The following MGLL variants were observed in gnomAD, a reference collection of about 807,000 sequenced individuals.
The protein encoded by MGLL is lysophospholipase homolog.
A neutral mutation model predicts 29.1 loss-of-function variants in MGLL; 7 were observed. That is an observed-to-expected ratio of 0.24 (90% CI 0.14 to 0.45). MGLL has a LOEUF of 0.45. Ranked by LOEUF, MGLL falls within the 20% of genes least tolerant of loss-of-function variation. The probability of loss-of-function intolerance (pLI) is 0.99; values close to 1 mark genes in which losing one functional copy is unlikely to be tolerated. For synonymous variants in MGLL, 148 were observed against 168.3 expected (o/e 0.88, Z 0.93); for missense variants, 356 against 413.6 (o/e 0.86, Z 1.21).
At chr3:127,779,944 T>G (rs957051906) in intron 3 of MGLL, among the ~76,000 whole-genome samples, 1 of 152,218 alleles carries the variant, frequency 6.6e-6, no homozygotes, top group Non-Finnish European at 1.5e-5. Flanking sequence ...CACAGTCAAC[T>G]GGGTTCATTT....
At chr3:127,792,775 C>A (rs1352756023) in intron 2 of MGLL, among the ~76,000 whole-genome samples, 4 of 152,204 alleles carry the variant, frequency 2.6e-5, no homozygotes, top group Non-Finnish European at 5.9e-5. Flanking sequence ...TACCAGTTCA[C>A]TTCTCTAGGC....
chr3:127,725,180 A>G (rs1010437887), intron 3 of MGLL, among the ~76,000 whole-genome samples: 1 of 152,154 alleles, frequency 6.6e-6, no homozygotes, highest in African/African-American at 2.4e-5. Flanking sequence ...ACTCAGCACC[A>G]CATGCTCCTG....
intron 6 of MGLL, among the ~76,000 whole-genome samples, chr3:127,705,874 T>C (rs1393187495): frequency 1.3e-5 from 2 of 148,760 alleles, no homozygotes; most frequent in African/African-American, 5.0e-5. Flanking sequence ...ATTAGGGAAA[T>C]AGAAATCAAA....
chr3:127,707,276 G>A (rs945713587), intron 6 of MGLL, among the ~76,000 whole-genome samples: 2 of 152,200 alleles, frequency 1.3e-5, no homozygotes, highest in African/African-American at 4.8e-5. Flanking sequence ...CAGCCTGGGA[G>A]AGGAAGCAGT....
intron 2 of MGLL, among the ~76,000 whole-genome samples, chr3:127,804,909 A>C (rs2077539586): frequency 6.6e-6 from 1 of 152,196 alleles, no homozygotes; most frequent in Non-Finnish European, 1.5e-5. Context: ...CTCTGCTGGG[A>C]ACAATGCAGT....
chr3:127,796,126 G>T (rs908636436), intron 2 of MGLL, among the ~76,000 whole-genome samples: 3 of 152,144 alleles, frequency 2.0e-5, no homozygotes, highest in Non-Finnish European at 4.4e-5. Flanking sequence ...CCCAGAAGTT[G>T]GGAGGTATCT....
intron 3 of MGLL, among the ~76,000 whole-genome samples, chr3:127,737,191 T>C (rs985852768): frequency 2.0e-5 from 3 of 151,882 alleles, no homozygotes; most frequent in Middle Eastern, 3.2e-3. Flanking sequence ...ACCCTTATCA[T>C]AGCAGTGAGC....
chr3:127,790,500 C>T (rs1032337248), intron 2 of MGLL, among the ~76,000 whole-genome samples: 4 of 152,182 alleles, frequency 2.6e-5, no homozygotes, highest in African/African-American at 9.7e-5. Context: ...GATTTACTCC[C>T]ACTGTGACCT....
intron 3 of MGLL, among the ~76,000 whole-genome samples, chr3:127,769,368 A>AG (rs1379861934): frequency 6.6e-6 from 1 of 151,450 alleles, no homozygotes; most frequent in Non-Finnish European, 1.5e-5. Context: ...AAGAAAAAAA[A>AG]AAGAATTGGA....
At chr3:127,768,315 G>T (rs2107690767) in intron 3 of MGLL, among the ~76,000 whole-genome samples, 1 of 152,262 alleles carries the variant, frequency 6.6e-6, no homozygotes, top group Middle Eastern at 3.4e-3. Context: ...GAATATCCCT[G>T]GTACCAAAAC....
chr3:127,695,248 G>A, intron 6 of MGLL, 58 bp from the exon 7 acceptor site: 1 of 1,529,882 alleles, frequency 6.5e-7, no homozygotes, highest in Non-Finnish European at 9.0e-7. Flanking sequence ...CCATAAGCCA[G>A]GCCTATTTCC....
At chr3:127,751,563 G>A (rs2076559141) in intron 3 of MGLL, among the ~76,000 whole-genome samples, 1 of 151,878 alleles carries the variant, frequency 6.6e-6, no homozygotes, top group African/African-American at 2.4e-5. Context: ...GACCACACAT[G>A]TGTGAGGGGC....
intron 3 of MGLL, among the ~76,000 whole-genome samples, chr3:127,764,811 C>T (rs892251718): frequency 1.3e-5 from 2 of 152,162 alleles, no homozygotes; most frequent in Non-Finnish European, 2.9e-5. Flanking sequence ...GTCACCCCAA[C>T]ATAGCCAATA....
chr3:127,741,732 A>G (rs1000983717), intron 3 of MGLL, among the ~76,000 whole-genome samples: 6 of 152,244 alleles, frequency 3.9e-5, no homozygotes, highest in African/African-American at 1.4e-4. Context: ...GCCTTTTTCT[A>G]TCTGGCTGCT....
intron 2 of MGLL, chr3:127,783,754 A>G (rs1043265091): frequency 6.6e-6 from 1 of 152,182 alleles, no homozygotes; most frequent in Non-Finnish European, 1.5e-5. Context: ...ACTCAATCAG[A>G]TGTGTACTTG....
chr3:127,783,396 C>T (rs1169260458), intron 2 of MGLL, among the ~76,000 whole-genome samples: 1 of 152,158 alleles, frequency 6.6e-6, no homozygotes, highest in Non-Finnish European at 1.5e-5. Flanking sequence ...CTGACCGTCA[C>T]TCTGGTTCTC....
At chr3:127,781,718 G>C in intron 3 of MGLL, 71 bp downstream of exon 3, 2 of 1,307,116 alleles carry the variant, frequency 1.5e-6, no homozygotes, top group Admixed American at 1.7e-5. Context: ...CTGGCAGTGA[G>C]ATGGACTAGA....
At chr3:127,718,445 T>C (rs1046356803) in intron 5 of MGLL, among the ~76,000 whole-genome samples, 2 of 152,186 alleles carry the variant, frequency 1.3e-5, no homozygotes, top group African/African-American at 4.8e-5. Context: ...TGTTCCATCA[T>C]TGAGGCTCAT....
chr3:127,778,397 G>T (rs543760268), intron 3 of MGLL, among the ~76,000 whole-genome samples: 1 of 152,202 alleles, frequency 6.6e-6, no homozygotes, highest in Non-Finnish European at 1.5e-5. Context: ...CTGGGGTCAC[G>T]CCCACCTGGG....
Sources: allele counts gnomAD v4.1 joint callset (sites outside exome capture counted in the v4.1 genomes callset), GRCh38; gene constraint gnomAD v4.1.1; transcripts MANE v1.5; gene names NCBI Gene and HGNC (gene_info 2026-07-23, HGNC 2026-07-21).